The following ST6GALNAC5 variants were observed in gnomAD, a reference collection of about 807,000 sequenced individuals.
ST6GALNAC5 encodes the protein alpha-N-acetylgalactosaminide alpha-2,6-sialyltransferase 5.
A neutral mutation model predicts 33.6 loss-of-function variants in ST6GALNAC5; 27 were observed. The ratio of observed to expected loss-of-function variants is 0.80; its 90% confidence interval spans 0.59 to 1.11. ST6GALNAC5 has a LOEUF of 1.11. ST6GALNAC5 is among the 50% of genes least tolerant of loss of function. ST6GALNAC5 has a pLI of 0.00. For synonymous variants in ST6GALNAC5, 194 were observed against 171.2 expected (o/e 1.13, Z -1.04); for missense variants, 428 against 454.0 (o/e 0.94, Z 0.52).
intron 2 of ST6GALNAC5, among the ~76,000 whole-genome samples, chr1:76,989,644 G>C (rs1338094177): frequency 1.3e-5 from 2 of 152,114 alleles, no homozygotes; most frequent in Non-Finnish European, 2.9e-5. Context: ...GACCAGGTCA[G>C]CTTTCCTGTC....
At chr1:77,027,390 G>A (rs1651286206) in intron 2 of ST6GALNAC5, among the ~76,000 whole-genome samples, 1 of 152,118 alleles carries the variant, frequency 6.6e-6, no homozygotes, top group Non-Finnish European at 1.5e-5. Flanking sequence ...CATTTATTGA[G>A]CGTTTACTGT....
At chr1:76,877,948 T>C (rs1229046146) in intron 2 of ST6GALNAC5, among the ~76,000 whole-genome samples, 1 of 152,252 alleles carries the variant, frequency 6.6e-6, no homozygotes, top group Non-Finnish European at 1.5e-5. Flanking sequence ...TGAGGAGATG[T>C]GTTAATTTGC....
chr1:76,897,658 G>A (rs2100260168), intron 2 of ST6GALNAC5, among the ~76,000 whole-genome samples: 1 of 152,298 alleles, frequency 6.6e-6, no homozygotes, highest in Admixed American at 6.5e-5. Flanking sequence ...GGAGGCTTTG[G>A]ATTGGGAAGA....
chr1:77,027,556 A>G (rs546892685), intron 2 of ST6GALNAC5, among the ~76,000 whole-genome samples: 24 of 152,276 alleles, frequency 1.6e-4, no homozygotes, highest in South Asian at 6.2e-4. Context: ...GAGGAGCACA[A>G]TGGGAACTGG....
chr1:76,919,392 A>C (rs1647008886), intron 2 of ST6GALNAC5, among the ~76,000 whole-genome samples: 1 of 152,064 alleles, frequency 6.6e-6, no homozygotes, highest in Non-Finnish European at 1.5e-5. Context: ...TCTTGCTCCT[A>C]GATGGCTCCC....
chr1:76,972,155 T>C (rs1648784126), intron 2 of ST6GALNAC5, among the ~76,000 whole-genome samples: 1 of 152,138 alleles, frequency 6.6e-6, no homozygotes, highest in South Asian at 2.1e-4. Context: ...ACAATCATGG[T>C]GGAAGGCGAA....
intron 2 of ST6GALNAC5, among the ~76,000 whole-genome samples, chr1:77,022,171 G>A (rs766547081): frequency 2.0e-5 from 3 of 152,138 alleles, no homozygotes; most frequent in Non-Finnish European, 4.4e-5. Context: ...ATCCATAAAA[G>A]CAGAAAATTA....
chr1:77,017,724 T>C (rs943882706), intron 2 of ST6GALNAC5, among the ~76,000 whole-genome samples: 7 of 152,226 alleles, frequency 4.6e-5, no homozygotes, highest in Non-Finnish European at 1.0e-4. Flanking sequence ...TAAAAGTTCT[T>C]ACGTAGGATT....
intron 2 of ST6GALNAC5, among the ~76,000 whole-genome samples, chr1:76,934,452 C>T (rs1557728452): frequency 6.6e-6 from 1 of 152,004 alleles, no homozygotes; most frequent in Non-Finnish European, 1.5e-5. Flanking sequence ...ACTGTAGTTG[C>T]ATTTGATGTA....
At chr1:77,026,810 AAT>A (rs1651256027) in intron 2 of ST6GALNAC5, among the ~76,000 whole-genome samples, 2 of 152,112 alleles carry the variant, frequency 1.3e-5, no homozygotes, top group African/African-American at 4.8e-5. Context: ...TGAATGAATG[AAT>A]GAATGAATGA....
chr1:76,874,032 T>G (rs1313155377), intron 2 of ST6GALNAC5, among the ~76,000 whole-genome samples: 1 of 152,142 alleles, frequency 6.6e-6, no homozygotes, highest in Non-Finnish European at 1.5e-5. Flanking sequence ...CAGGAAGCAA[T>G]AAATCAAGGC....
chr1:76,915,013 C>T (rs1646955074), intron 2 of ST6GALNAC5, among the ~76,000 whole-genome samples: 1 of 151,414 alleles, frequency 6.6e-6, no homozygotes, highest in Non-Finnish European at 1.5e-5. Context: ...CAAACAACCC[C>T]ATCAAAAAGT....
At chr1:77,049,948 A>T (rs1652165205) in intron 3 of ST6GALNAC5, among the ~76,000 whole-genome samples, 1 of 152,210 alleles carries the variant, frequency 6.6e-6, no homozygotes, top group African/African-American at 2.4e-5. Flanking sequence ...GTCATAAGAA[A>T]TTGAGTTGTG....
chr1:77,034,613 A>T (rs572429476), intron 2 of ST6GALNAC5, among the ~76,000 whole-genome samples: 39 of 152,304 alleles, frequency 2.6e-4, no homozygotes, highest in African/African-American at 7.9e-4. Context: ...ACCGCCAGCC[A>T]TGCACAAAGG....
chr1:77,023,142 A>T (rs1037851889), intron 2 of ST6GALNAC5, among the ~76,000 whole-genome samples: 1 of 152,176 alleles, frequency 6.6e-6, no homozygotes, highest in African/African-American at 2.4e-5. Flanking sequence ...AGGGAAGAGG[A>T]CTCAGAAGAA....
At chr1:77,044,072 A>C in intron 2 of ST6GALNAC5, 132 bp from the exon 3 acceptor site, 1 of 1,009,534 alleles carries the variant, frequency 9.9e-7, no homozygotes, top group Non-Finnish European at 1.4e-6. Flanking sequence ...AGCAGAAGGG[A>C]TATACTCTGA....
At chr1:76,948,587 C>CAGAGAGAGAGAGAG (rs60959607) in intron 2 of ST6GALNAC5, among the ~76,000 whole-genome samples, 231 of 129,712 alleles carry the variant, frequency 1.8e-3, no homozygotes, top group East Asian at 6.7e-3. Context: ...GGAGTGGGGA[C>CAGAGAGAGAGAGAG]AGAGAGAGAG....
At chr1:77,014,131 G>GT (rs1650738867) in intron 2 of ST6GALNAC5, among the ~76,000 whole-genome samples, 2 of 152,192 alleles carry the variant, frequency 1.3e-5, no homozygotes, top group Admixed American at 1.3e-4. Context: ...GGAAGGGAGA[G>GT]TGTTTTCTAT....
At chr1:77,057,717 A>C (rs1172737903) in intron 4 of ST6GALNAC5, among the ~76,000 whole-genome samples, 1 of 152,204 alleles carries the variant, frequency 6.6e-6, no homozygotes, top group Non-Finnish European at 1.5e-5. Flanking sequence ...AGAGGAGAAC[A>C]GTGAAGGGAG....
Sources: allele counts gnomAD v4.1 joint callset (sites outside exome capture counted in the v4.1 genomes callset), GRCh38; gene constraint gnomAD v4.1.1; transcripts MANE v1.5; gene names NCBI Gene and HGNC (gene_info 2026-07-23, HGNC 2026-07-21).